The following SNX16 variants were observed in gnomAD, a reference collection of about 807,000 sequenced individuals.
The protein encoded by SNX16 is sorting nexin-16.
A neutral mutation model predicts 36.7 loss-of-function variants in SNX16; 35 were observed. The observed-to-expected ratio is 0.95, with a 90% CI of 0.73 to 1.27. SNX16 has a LOEUF of 1.27. Among genes scored for constraint, SNX16 ranks in the 50% most tolerant of loss-of-function variants. The probability of loss-of-function intolerance (pLI) is 0.00; values close to 1 mark genes in which losing one functional copy is unlikely to be tolerated. For missense variants in SNX16, 367 were observed against 393.6 expected, an observed-to-expected ratio of 0.93 and a Z score of 0.57; for synonymous variants, 134 against 132.0, an observed-to-expected ratio of 1.02 and a Z score of -0.10.
intron 5 of SNX16, chr8:81,808,551 A>G (rs1810077733): frequency 1.0e-6 from 1 of 1,002,824 alleles, no homozygotes; most frequent in Non-Finnish European, 1.6e-6. Flanking sequence ...TGGAAGCTAC[A>G]ATGATTTTGG....
At chr8:81,803,308 A>G (rs1809792053) in intron 5 of SNX16, 80 bp from the exon 6 acceptor site, 1 of 1,376,466 alleles carries the variant, frequency 7.3e-7, no homozygotes, top group East Asian at 2.4e-5. Flanking sequence ...CTTTCTCAAG[A>G]GCATTATTGA....
At chr8:81,824,963 T>C (rs1810947174) in intron 3 of SNX16, among the ~76,000 whole-genome samples, 1 of 152,194 alleles carries the variant, frequency 6.6e-6, no homozygotes, top group African/African-American at 2.4e-5. Context: ...GCTGAGAACT[T>C]TGCCAAGGTT....
chr8:81,802,733 A>G (rs1809760238), intron 6 of SNX16, among the ~76,000 whole-genome samples: 1 of 151,846 alleles, frequency 6.6e-6, no homozygotes, highest in Non-Finnish European at 1.5e-5. Flanking sequence ...CAGAGCTTTC[A>G]TATGTGAAAA....
intron 5 of SNX16, among the ~76,000 whole-genome samples, chr8:81,809,391 T>G (rs1810120145): frequency 6.6e-6 from 1 of 152,144 alleles, no homozygotes. Flanking sequence ...GAATGAAGCT[T>G]GTGTATCATC....
chr8:81,831,039 G>A (rs930187014), intron 2 of SNX16, among the ~76,000 whole-genome samples: 1 of 152,130 alleles, frequency 6.6e-6, no homozygotes, highest in African/African-American at 2.4e-5. Flanking sequence ...CAATAAGCAG[G>A]GCTTGGATAA....
chr8:81,833,012 G>A (rs921358465), intron 2 of SNX16, among the ~76,000 whole-genome samples: 3 of 151,748 alleles, frequency 2.0e-5, no homozygotes, highest in Non-Finnish European at 2.9e-5. Flanking sequence ...TGAGATGTGC[G>A]TAGTGTGCAA....
chr8:81,839,982 GC>G lies in SNX16; in HGVS notation c.4del (p.Ala2GlnfsTer11), dbSNP rs756505598. M[A>X]TPYVPVPMPI... is the part of the protein sequence containing the mutation. ...CATAGGAACTGGGACATAAGGAGTT[GC>G]CATCTTCTTTTGGCTTTTCCAACAA... On this transcript the variant is annotated frameshift_variant, in exon 2 of 8. Coordinates refer to ENST00000345957, the MANE Select transcript of SNX16 (RefSeq NM_152836.3). LOFTEE classifies it high-confidence loss of function. The G allele has an allele frequency of 5.6e-6, 9 of 1,596,204 alleles. No homozygotes were observed. The highest frequency in any genetic ancestry group is 7.7e-6 in the Non-Finnish European group (9 of 1,172,008).
chr8:81,821,806 T>C (rs577259892), intron 4 of SNX16, among the ~76,000 whole-genome samples: 1 of 152,262 alleles, frequency 6.6e-6, no homozygotes, highest in East Asian at 1.9e-4. Context: ...TGCTAAACAT[T>C]AGATTGGATG....
At position 81,802,502 on chromosome 8, in the gene SNX16, A is replaced by G. The variant is rs1445122290; in HGVS notation, c.819-3T>C. ...CTTCAGGTTCTAAAGACAATGTTCT[A>G]AAAGTATGTTATAGCAACAAGTTAT... is the stretch of plus-strand genomic sequence containing the variant. On this transcript the variant is annotated splice_polypyrimidine_tract_variant and splice_region_variant and intron_variant, in intron 6 of 7. Coordinates refer to ENST00000345957, the MANE Select transcript of SNX16 (RefSeq NM_152836.3). 1.2e-6 allele frequency: 2 copies of G among 1,602,056 alleles called. No homozygotes were observed. Among genetic ancestry groups the G allele is most frequent in the Non-Finnish European group, 8.5e-7 (1 of 1,174,558 alleles).
chr8:81,815,205 A>G, intron 5 of SNX16, 120 bp downstream of exon 5: 1 of 698,900 alleles, frequency 1.4e-6, no homozygotes, highest in East Asian at 3.0e-5. Flanking sequence ...TTTCTGTGCA[A>G]AACTACCATA....
At chr8:81,801,714 A>G in intron 7 of SNX16, 121 bp from the exon 8 acceptor site, 1 of 544,348 alleles carries the variant, frequency 1.8e-6, no homozygotes. Flanking sequence ...ACTTAGTGTA[A>G]AAGTATTTAA....
Position 81,799,710 on chromosome 8 carries a change from T to C in SNX16, c.*1787A>G, listed in dbSNP as rs1203436007. ...CCTAATTAACAGATTTTTTTCTTCA[T>C]CCTTGAAGAACTTTAAATACAATCT... On this transcript the variant is annotated 3_prime_UTR_variant, in exon 8 of 8. Coordinates refer to ENST00000345957, the MANE Select transcript of SNX16 (RefSeq NM_152836.3). The C allele has an allele frequency of 1.3e-5, 2 of 151,950 alleles. No individual in the cohort carries two copies. The highest frequency in any genetic ancestry group is 2.4e-5 in the African/African-American group (1 of 41,432). The allele number at this position is 151,950 out of a possible 1,614,324, so 9.4% of individuals were successfully genotyped here.
At position 81,803,178 on chromosome 8, in the gene SNX16, T is replaced by G. The variant is rs778415470; in HGVS notation, c.732A>C (p.Leu244=). 1.2e-6 allele frequency: 2 copies of G among 1,611,992 alleles called. No individual in the cohort carries two copies. The highest frequency in any genetic ancestry group is 1.7e-5 in the Admixed American group (1 of 59,836). The change falls in exon 6 of 8, where the codon CTA becomes CTC. Residue 244 remains leucine (L), a synonymous_variant. Coordinates refer to ENST00000345957, the MANE Select transcript of SNX16 (RefSeq NM_152836.3). The part of the protein sequence containing the change: ...EETNYRLQKE[L]LEKQKEMESL... ...ATTCCATCTCCTTTTGTTTTTCAAGTAGTTCTTTCTGTAAGCGGTAGTTTG... is the reference window on the plus strand; with the variant it reads ...ATTCCATCTCCTTTTGTTTTTCAAGGAGTTCTTTCTGTAAGCGGTAGTTTG...
At chr8:81,819,169 T>C (rs1810623139) in intron 4 of SNX16, among the ~76,000 whole-genome samples, 1 of 152,048 alleles carries the variant, frequency 6.6e-6, no homozygotes, top group South Asian at 2.1e-4. Context: ...ACTTTTGAAT[T>C]TCGAAAAATT....
chr8:81,838,961 CAAGAG>C (rs1401856011), intron 2 of SNX16, among the ~76,000 whole-genome samples: 3 of 152,024 alleles, frequency 2.0e-5, no homozygotes, highest in African/African-American at 7.2e-5. Flanking sequence ...AGATATTTCA[CAAGAG>C]AATATCCAAA....
At chr8:81,803,378 T>G in intron 5 of SNX16, 150 bp from the exon 6 acceptor site, 17 of 826,188 alleles carry the variant, frequency 2.1e-5, no homozygotes, top group Non-Finnish European at 2.9e-5. Flanking sequence ...ATTTGTTCTC[T>G]ACCCTCATCT....
intron 5 of SNX16, among the ~76,000 whole-genome samples, chr8:81,813,011 T>C (rs1467255507): frequency 1.3e-5 from 2 of 151,890 alleles, no homozygotes; most frequent in African/African-American, 4.8e-5. Context: ...AAAATTATTT[T>C]ACACAAGATA....
At chr8:81,837,713 G>T (rs966007930) in intron 2 of SNX16, among the ~76,000 whole-genome samples, 2 of 152,076 alleles carry the variant, frequency 1.3e-5, no homozygotes, top group Non-Finnish European at 2.9e-5. Context: ...TGAAGGTTAG[G>T]TTTCAACATA....
chr8:81,829,827 T>C (rs1360455149), intron 2 of SNX16, among the ~76,000 whole-genome samples: 1 of 152,262 alleles, frequency 6.6e-6, no homozygotes, highest in African/African-American at 2.4e-5. Flanking sequence ...TAAAAAATTA[T>C]ACTTGAAGAA....
Sources: gnomAD v4.1 joint callset for allele counts (sites outside exome capture counted in the v4.1 genomes callset) on GRCh38, gnomAD v4.1.1 for gene constraint, MANE v1.5 for transcripts, NCBI Gene and HGNC (gene_info 2026-07-23, HGNC 2026-07-21) for gene names.